The following STPG4 variants were observed in gnomAD, a reference collection of about 807,000 sequenced individuals.
The protein encoded by STPG4 is sperm-tail PG-rich repeat containing 4.
STPG4 carries 41 observed loss-of-function variants against 31.5 expected under a neutral mutation model. That is an observed-to-expected ratio of 1.30 (90% confidence interval 1.01 to 1.69). The LOEUF (loss-of-function observed/expected upper bound fraction) is 1.69, where lower values mean the gene tolerates loss of function less well. STPG4 is among the 40% of genes most tolerant of loss of function. The pLI is 0.00. For synonymous variants in STPG4, 141 were observed against 103.0 expected, an observed-to-expected ratio of 1.37 and a Z score of -2.24; for missense variants, 375 against 293.4, an observed-to-expected ratio of 1.28 and a Z score of -2.03.
intron 5 of STPG4, among the ~76,000 whole-genome samples, chr2:47,105,554 T>C (rs548709523): frequency 2.0e-5 from 3 of 152,174 alleles, no homozygotes; most frequent in Admixed American, 2.0e-4. Flanking sequence ...CAACAAATTA[T>C]AGTCCAGACT....
chr2:47,131,700 CT>C (rs1179242380), intron 3 of STPG4, among the ~76,000 whole-genome samples: 1 of 152,142 alleles, frequency 6.6e-6, no homozygotes, highest in Non-Finnish European at 1.5e-5. Context: ...TTGAGGGAGG[CT>C]TTTAAGAAAG....
At chr2:47,106,664 T>C (rs569323848) in intron 5 of STPG4, among the ~76,000 whole-genome samples, 5 of 151,948 alleles carry the variant, frequency 3.3e-5, no homozygotes, top group Admixed American at 6.5e-5. Context: ...CAGTCAAGGA[T>C]AGTATGAGAT....
At chr2:47,102,823 T>G (rs1371085944) in intron 5 of STPG4, among the ~76,000 whole-genome samples, 3 of 151,820 alleles carry the variant, frequency 2.0e-5, no homozygotes, top group African/African-American at 7.3e-5. Flanking sequence ...CCTCTCTGAT[T>G]TAAAGCAGAT....
rs1685924671 is a variant in STPG4, at chr2:47,106,945, CCCACTGGCACTT to C, written c.520-16583_520-16572del. Among the ~76,000 whole-genome samples, 2 of 152,050 alleles carry C rather than the reference CCCACTGGCACTT, an allele frequency of 1.3e-5. 1 individual carries two copies. The highest frequency in any genetic ancestry group is 4.8e-5 in the African/African-American group (2 of 41,318). On this transcript the variant is annotated intron_variant, in intron 5 of 6. Coordinates refer to ENST00000445927, the MANE Select transcript of STPG4 (RefSeq NM_001163561.2). ...CTTCTACCGAGGACCCCTGGACCGA[CCCACTGGCACTT>C]CCACTGGCCTAGAGACCTCCCCTCT... is the stretch of plus-strand genomic sequence containing the variant.
chr2:47,133,213 G>T (rs1348191496), intron 3 of STPG4, among the ~76,000 whole-genome samples: 1 of 151,810 alleles, frequency 6.6e-6, no homozygotes, highest in African/African-American at 2.4e-5. Flanking sequence ...TGTCACCCAG[G>T]CTGGAATGCA....
intron 5 of STPG4, among the ~76,000 whole-genome samples, chr2:47,110,839 G>C (rs1686019084): frequency 6.6e-6 from 1 of 152,162 alleles, no homozygotes; most frequent in African/African-American, 2.4e-5. Context: ...CCCAATCATT[G>C]TTTAAAATGG....
rs1687008938 is a variant in STPG4 at position 47,155,242 on chromosome 2, G to T, written c.10C>A (p.Pro4Thr). Residue 4 changes from proline (P) to threonine (T), a missense_variant, in exon 1 of 7, where the codon CCA becomes ACA. Transcript: ENST00000445927. ...GAGGTGGAAGCGGTGGCGACGGCTGGCTGGTCCATGGTGGCCTCCTCTCTC... is the reference window on the plus strand; with the variant it reads ...GAGGTGGAAGCGGTGGCGACGGCTGTCTGGTCCATGGTGGCCTCCTCTCTC... The part of the protein sequence containing the change: MDQ[P>T]AVATASTSIR... 2 of 1,613,976 alleles carry T rather than the reference G, an allele frequency of 1.2e-6. No homozygotes were observed. Among genetic ancestry groups the T allele is most frequent in the Non-Finnish European group, 1.7e-6 (2 of 1,180,006 alleles).
Position 47,099,471 on chromosome 2 carries a change from C to T in STPG4, c.520-9097G>A, listed in dbSNP as rs370700126. On this transcript the variant is annotated intron_variant, in intron 5 of 6. Coordinates refer to ENST00000445927, the MANE Select transcript of STPG4 (RefSeq NM_001163561.2). ...GATGCTTTGCTAACAGTAGGAGAAG[C>T]AACTTCAGACAAGTGAGGCACCAAA... 1.8e-4 allele frequency among the ~76,000 whole-genome samples: 27 copies of T among 152,382 alleles called. 1 individual carries two copies. The South Asian group carries it at 5.4e-3, about 30-fold the overall frequency.
intron 5 of STPG4, among the ~76,000 whole-genome samples, chr2:47,107,975 C>T (rs1044228587): frequency 2.0e-5 from 3 of 151,800 alleles, no homozygotes; most frequent in Non-Finnish European, 2.9e-5. Context: ...CACTCTGTAT[C>T]TAGCTCAAGG....
At chr2:47,148,700 G>A (rs879993920) in intron 3 of STPG4, among the ~76,000 whole-genome samples, 1 of 151,976 alleles carries the variant, frequency 6.6e-6, no homozygotes, top group Admixed American at 6.6e-5. Context: ...TCCACGACAG[G>A]CTCCTGTGTG....
chr2:47,091,083 C>G (rs1047822097), intron 5 of STPG4, among the ~76,000 whole-genome samples: 1 of 128,470 alleles, frequency 7.8e-6, no homozygotes, highest in Non-Finnish European at 1.6e-5. Flanking sequence ...AAAATTAAAA[C>G]AGGTTAAGAA....
chr2:47,106,370 G>C (rs1004229395), intron 5 of STPG4, among the ~76,000 whole-genome samples: 16 of 151,880 alleles, frequency 1.1e-4, no homozygotes, highest in African/African-American at 3.9e-4. Context: ...GTCCGTCAGC[G>C]CAGAGCCATA....
At chr2:47,130,107 G>A (rs571306087) in intron 4 of STPG4, 89 bp downstream of exon 4, 2 of 1,467,398 alleles carry the variant, frequency 1.4e-6, no homozygotes, top group East Asian at 4.5e-5. Flanking sequence ...ATTTGCATAT[G>A]AGGTGCATAA....
At chr2:47,150,285 TC>T (rs1442422836) in intron 3 of STPG4, among the ~76,000 whole-genome samples, 1 of 152,202 alleles carries the variant, frequency 6.6e-6, no homozygotes, top group Non-Finnish European at 1.5e-5. Flanking sequence ...ACTTGAACTC[TC>T]CTTTGGCATT....
chr2:47,138,873 C>T (rs143447975), intron 3 of STPG4, among the ~76,000 whole-genome samples: 1,573 of 152,100 alleles, frequency 0.01, 8 homozygotes, highest in Middle Eastern at 0.014. Flanking sequence ...TTAGTAGAGA[C>T]GGGGTTTCAC....
intron 3 of STPG4, among the ~76,000 whole-genome samples, chr2:47,137,857 TTC>T (rs1489762135): frequency 6.6e-6 from 1 of 152,294 alleles, no homozygotes; most frequent in East Asian, 1.9e-4. Flanking sequence ...CATTTGTGTT[TTC>T]TCTCTTTTTT....
At position 47,152,705 on chromosome 2, in the gene STPG4, T is replaced by C. The variant is rs1206286515; in HGVS notation, c.141+252A>G. On this transcript the variant is annotated intron_variant, in intron 2 of 6. Coordinates refer to ENST00000445927, the MANE Select transcript of STPG4 (RefSeq NM_001163561.2). ...ATCATAAGAGCATAGGTTAGCCTTATCTAGATATTCTGTAAAGCACCTAGA... is the reference window on the plus strand; with the variant it reads ...ATCATAAGAGCATAGGTTAGCCTTACCTAGATATTCTGTAAAGCACCTAGA... Among the ~76,000 whole-genome samples, 3 of 152,370 alleles carry C rather than the reference T, an allele frequency of 2.0e-5. No homozygotes were observed. In the East Asian group the frequency reaches 5.8e-4, roughly 29 times the overall value.
Position 47,087,145 on chromosome 2 carries a change from G to T in STPG4, c.625-15C>A. On this transcript the variant is annotated splice_polypyrimidine_tract_variant and intron_variant, in intron 6 of 6. Coordinates refer to ENST00000445927, the MANE Select transcript of STPG4 (RefSeq NM_001163561.2). ...CCTGGGGTTTTCTGAAAACAGAGCAGAAAACAGGGACTGATGAGACAGTGA... is the reference window on the plus strand; with the variant it reads ...CCTGGGGTTTTCTGAAAACAGAGCATAAAACAGGGACTGATGAGACAGTGA... 1 of 1,551,444 alleles carries T rather than the reference G, an allele frequency of 6.4e-7. No individual in the cohort carries two copies. The highest frequency in any genetic ancestry group is 8.7e-7 in the Non-Finnish European group (1 of 1,146,866).
At chr2:47,089,376 G>A (rs1172510733) in intron 6 of STPG4, among the ~76,000 whole-genome samples, 3 of 152,186 alleles carry the variant, frequency 2.0e-5, no homozygotes, top group Non-Finnish European at 4.4e-5. Flanking sequence ...CAGAGATTCT[G>A]CAGGCCATGG....
Sources: gnomAD v4.1 joint callset for allele counts (sites outside exome capture counted in the v4.1 genomes callset) on GRCh38, gnomAD v4.1.1 for gene constraint, MANE v1.5 for transcripts, NCBI Gene and HGNC (gene_info 2026-07-23, HGNC 2026-07-21) for gene names.